TTC28: variants seen among roughly 807,000 people sequenced by gnomAD.
TTC28 encodes tetratricopeptide repeat domain 28.
TTC28 carries 61 observed loss-of-function variants against 198.0 expected under a neutral mutation model. That is an observed-to-expected ratio of 0.31 (90% CI 0.25 to 0.38). TTC28 has a LOEUF of 0.38. TTC28 is among the 10% of genes least tolerant of loss of function. The probability of loss-of-function intolerance (pLI) is 1.00; values close to 1 mark genes in which losing one functional copy is unlikely to be tolerated. For missense variants in TTC28, 2,678 were observed against 3,164.0 expected (o/e 0.85, Z 3.69); for synonymous variants, 1,171 against 1,297.8 (o/e 0.90, Z 2.10).
intron 5 of TTC28, among the ~76,000 whole-genome samples, chr22:28,263,455 T>A (rs1286497162): frequency 2.6e-5 from 4 of 152,004 alleles, no homozygotes; most frequent in South Asian, 4.1e-4. Context: ...GCAAAAAAAA[T>A]TCAGCAATAA....
chr22:28,277,728 A>G (rs1166278022), intron 5 of TTC28, among the ~76,000 whole-genome samples: 3 of 152,178 alleles, frequency 2.0e-5, no homozygotes, highest in Non-Finnish European at 2.9e-5. Context: ...TAGCTGTGTA[A>G]TGTTATGAAA....
At chr22:28,393,530 CA>C (rs917156090) in intron 2 of TTC28, among the ~76,000 whole-genome samples, 11 of 151,656 alleles carry the variant, frequency 7.3e-5, no homozygotes, top group African/African-American at 2.4e-4. Flanking sequence ...CATCTCCACA[CA>C]AAAAAATAAA....
rs1295735142 is a variant in TTC28 at position 28,107,998 on chromosome 22, T to C, written c.1847A>G (p.Tyr616Cys). ...AGCAAGCCGGAGGTACTGTTCATAA[T>C]AGGGGGCAGCCTGGACATACTCTCC... Reference protein sequence around the residue: ...SRGEYVQAAPYYEQYLRLAPD... With the variant: ...SRGEYVQAAPCYEQYLRLAPD... Residue 616 changes from tyrosine to cysteine, a missense_variant, in exon 7 of 23, where the codon TAT becomes TGT. By Grantham distance (194) the Tyr-to-Cys change is radical. Coordinates refer to ENST00000397906, the MANE Select transcript of TTC28 (RefSeq NM_001145418.2). The C allele has an allele frequency of 1.3e-5, 20 of 1,551,432 alleles. No individual in the cohort carries two copies. The highest frequency in any genetic ancestry group is 1.7e-5 in the Non-Finnish European group (20 of 1,146,970).
intron 2 of TTC28, among the ~76,000 whole-genome samples, chr22:28,312,077 A>C (rs964575397): frequency 6.6e-6 from 1 of 152,156 alleles, no homozygotes; most frequent in African/African-American, 2.4e-5. Flanking sequence ...GTCTCTGATA[A>C]AAACAGCCTT....
chr22:28,214,583 T>C (rs998602213), intron 5 of TTC28, among the ~76,000 whole-genome samples: 1 of 152,162 alleles, frequency 6.6e-6, no homozygotes, highest in Non-Finnish European at 1.5e-5. Context: ...CACAATGAGA[T>C]ACCATCTCAC....
At chr22:28,032,205 AATATATATATATAAAATAT>A (rs1332522959) in intron 12 of TTC28, among the ~76,000 whole-genome samples, 1 of 100,832 alleles carries the variant, frequency 9.9e-6, no homozygotes, top group Non-Finnish European at 2.1e-5. Flanking sequence ...ATATATATAA[AATATATATATATAAAATAT>A]ATATATATAA....
At chr22:28,650,330 C>A (rs755737021) in intron 1 of TTC28, among the ~76,000 whole-genome samples, 8 of 152,112 alleles carry the variant, frequency 5.3e-5, no homozygotes, top group Non-Finnish European at 1.2e-4. Flanking sequence ...TATCAATTAT[C>A]TACGATGTAC....
intron 6 of TTC28, among the ~76,000 whole-genome samples, chr22:28,161,742 AC>A (rs1921215048): frequency 1.4e-5 from 2 of 146,936 alleles, no homozygotes; most frequent in Non-Finnish European, 3.0e-5. Context: ...ACAGGACAGG[AC>A]AGGACAGGAC....
intron 2 of TTC28, among the ~76,000 whole-genome samples, chr22:28,496,037 C>CTT (rs2048450807): frequency 6.6e-6 from 1 of 152,100 alleles, no homozygotes. Context: ...CTCCCTCCTC[C>CTT]TTAAAACATA....
intron 2 of TTC28, among the ~76,000 whole-genome samples, chr22:28,405,487 A>G (rs988874251): frequency 5.3e-5 from 8 of 152,202 alleles, no homozygotes; most frequent in African/African-American, 1.9e-4. Flanking sequence ...CTACCACAAA[A>G]AGGATACAGT....
chr22:28,131,968 C>A (rs1251084633), intron 6 of TTC28, among the ~76,000 whole-genome samples: 1 of 152,114 alleles, frequency 6.6e-6, no homozygotes, highest in African/African-American at 2.4e-5. Context: ...TCAAAAGATT[C>A]AAAAAATTCA....
chr22:28,449,467 T>C (rs1276911641), intron 2 of TTC28, among the ~76,000 whole-genome samples: 1 of 152,234 alleles, frequency 6.6e-6, no homozygotes, highest in African/African-American at 2.4e-5. Context: ...TCAAATAACA[T>C]CTTCCTAACA....
At chr22:28,052,668 G>T (rs1467508680) in intron 12 of TTC28, among the ~76,000 whole-genome samples, 3 of 152,170 alleles carry the variant, frequency 2.0e-5, no homozygotes, top group Non-Finnish European at 4.4e-5. Flanking sequence ...AAAAAATTGT[G>T]TTGGCTATGG....
At chr22:28,047,747 G>C (rs1016190848) in intron 12 of TTC28, among the ~76,000 whole-genome samples, 2 of 152,058 alleles carry the variant, frequency 1.3e-5, no homozygotes, top group African/African-American at 4.8e-5. Flanking sequence ...TCTTCTCCTT[G>C]GCAACAATGG....
At chr22:28,020,186 T>C (rs1432633505) in intron 13 of TTC28, among the ~76,000 whole-genome samples, 1 of 152,238 alleles carries the variant, frequency 6.6e-6, no homozygotes, top group African/African-American at 2.4e-5. Flanking sequence ...GCTTCACAGC[T>C]GCACCACCCC....
chr22:28,598,538 A>G (rs1056861231), intron 2 of TTC28, among the ~76,000 whole-genome samples: 1 of 144,762 alleles, frequency 6.9e-6, no homozygotes, highest in Admixed American at 6.9e-5. Flanking sequence ...AAAAAAAGTG[A>G]TAAGCACTAC....
intron 1 of TTC28, among the ~76,000 whole-genome samples, chr22:28,661,340 A>C (rs1027739971): frequency 6.6e-6 from 1 of 152,178 alleles, no homozygotes; most frequent in African/African-American, 2.4e-5. Flanking sequence ...CTTCTTCATT[A>C]TTTAATTTCC....
intron 5 of TTC28, among the ~76,000 whole-genome samples, chr22:28,218,695 A>G (rs909180994): frequency 1.3e-5 from 2 of 152,118 alleles, no homozygotes; most frequent in African/African-American, 2.4e-5. Context: ...CTACCCATTT[A>G]ATCACTGCAA....
Position 28,629,632 on chromosome 22 carries a change from C to CTGCAGATCTATTGCTGTATAAGA in TTC28, c.278_300dup (p.Ala101SerfsTer11). 1.3e-6 allele frequency: 2 copies of CTGCAGATCTATTGCTGTATAAGA among 1,551,670 alleles called. No homozygotes were observed. Among genetic ancestry groups the CTGCAGATCTATTGCTGTATAAGA allele is most frequent in the Non-Finnish European group, 1.7e-6 (2 of 1,146,984 alleles). ...TCATACTGCTGGATTTTCATGTAGG[C>CTGCAGATCTATTGCTGTATAAGA]TGCAGATCTATTGCTGTATAAGATG... On this transcript the variant is annotated frameshift_variant, in exon 2 of 23. Coordinates refer to ENST00000397906, the MANE Select transcript of TTC28 (RefSeq NM_001145418.2). LOFTEE classifies it high-confidence loss of function.
Sources: allele counts gnomAD v4.1 joint callset (sites outside exome capture counted in the v4.1 genomes callset), GRCh38; gene constraint gnomAD v4.1.1; transcripts MANE v1.5; gene names NCBI Gene and HGNC (gene_info 2026-07-23, HGNC 2026-07-21).